Variants in KMT2A observed in about 807,000 individuals in gnomAD.
The protein encoded by KMT2A is lysine methyltransferase 2A, also known as histone-lysine N-methyltransferase 2A.
In KMT2A, 16 loss-of-function variants were observed where a neutral mutation model predicts 345.3. The ratio of observed to expected loss-of-function variants is 0.05; its 90% CI spans 0.03 to 0.07. The LOEUF is 0.07. Ranked by LOEUF, KMT2A falls within the 10% of genes least tolerant of loss-of-function variation. The pLI is 1.00. For missense variants in KMT2A, 3,272 were observed against 4,841.6 expected (o/e 0.68, Z 9.62); for synonymous variants, 1,599 against 1,778.6 (o/e 0.90, Z 2.54).
chr11:118,444,230 G>A (rs498362), intron 1 of KMT2A, among the ~76,000 whole-genome samples: 1 of 152,060 alleles, frequency 6.6e-6, no homozygotes, highest in Non-Finnish European at 1.5e-5. Context: ...ATTTACACAT[G>A]CCCATATTCA....
At position 118,491,234 on chromosome 11, in the gene KMT2A, G is replaced by C; in HGVS notation, c.4735G>C (p.Asp1579His). 1 of 1,613,938 alleles carries C rather than the reference G, an allele frequency of 6.2e-7. No individual in the cohort carries two copies. Among genetic ancestry groups the C allele is most frequent in the Non-Finnish European group, 8.5e-7 (1 of 1,179,924 alleles). ...CPLCDKCYDD[D>H]DYESKMMQCG... is the part of the protein sequence containing the mutation. ...TCTCTGTGACAAATGTTATGATGAT[G>C]ATGACTATGAGAGTAAGATGATGCA... is the stretch of plus-strand genomic sequence containing the variant. The change falls in exon 14 of 36, where the codon GAT (aspartate) becomes CAT (histidine). Residue 1579 changes from aspartate (D) to histidine (H), a missense_variant. Asp to His is a moderately conservative substitution (Grantham distance 81). Transcript: ENST00000534358. The surrounding 1 kb of genome is among the most constrained non-coding windows in gnomAD (Gnocchi z 4.2).
In KMT2A at chr11:118,519,587, C is replaced by G. The variant is rs781926658; in HGVS notation, c.11147-31C>G. On this transcript the variant is annotated intron_variant, in intron 31 of 35. Coordinates refer to ENST00000534358, the MANE Select transcript of KMT2A (RefSeq NM_001197104.2). ...ATGCTGTTTCCTGTTGACTGCGCTCCTCACTTCCCTGGTGCTTCTGATTCT... is the reference window on the plus strand; with the variant it reads ...ATGCTGTTTCCTGTTGACTGCGCTCGTCACTTCCCTGGTGCTTCTGATTCT... The G allele has an allele frequency of 2.5e-6, 4 of 1,598,690 alleles. No individual in the cohort carries two copies. In the Admixed American group the frequency reaches 5.0e-5, roughly 20 times the overall value.
intron 1 of KMT2A, among the ~76,000 whole-genome samples, chr11:118,445,618 A>C (rs1250183533): frequency 6.6e-6 from 1 of 152,226 alleles, no homozygotes; most frequent in African/African-American, 2.4e-5. Context: ...TGTAGGTTGC[A>C]ATTTCTGGGG....
rs1950946223 is a variant in KMT2A at position 118,520,734 on chromosome 11, C to A, written c.11430-68C>A. The A allele has an allele frequency of 1.7e-6, 2 of 1,148,572 alleles. No homozygotes were observed. Among genetic ancestry groups the A allele is most frequent in the Non-Finnish European group, 2.6e-6 (2 of 758,008 alleles). 71.1% of individuals were successfully genotyped at this position (1,148,572 alleles called of 1,614,324 possible). On this transcript the variant is annotated intron_variant, in intron 33 of 35. Transcript: ENST00000534358. The surrounding 1 kb of genome is among the most constrained non-coding windows in gnomAD (Gnocchi z 4.3). ...AGAGTGTACTAATTGTCTCTAGGAA[C>A]CTTCGATTCAAGACTCAAAACATTA...
Position 118,481,956 on chromosome 11 carries a change from G to A in KMT2A, c.3876G>A (p.Arg1292=), listed in dbSNP as rs1950140799. ...ESKQATTPAS[R]KSSKQVSQPA... Reference sequence around the variant, plus strand: ...AACAGGCCACCACTCCAGCTTCCAGGAAGTCAAGCAAGCAGGTCTCCCAGC... The same window carrying A: ...AACAGGCCACCACTCCAGCTTCCAGAAAGTCAAGCAAGCAGGTCTCCCAGC... The change falls in exon 7 of 36, where the codon AGG becomes AGA. Residue 1292 remains arginine, a synonymous_variant. Coordinates refer to ENST00000534358, the MANE Select transcript of KMT2A (RefSeq NM_001197104.2). 7.4e-6 allele frequency: 12 copies of A among 1,614,182 alleles called. No homozygotes were observed. Among genetic ancestry groups the A allele is most frequent in the Non-Finnish European group, 1.0e-5 (12 of 1,180,038 alleles).
chr11:118,472,169 C>A lies in KMT2A; in HGVS notation c.1010C>A (p.Thr337Lys), dbSNP rs1346632237. 1 of 1,614,016 alleles carries A rather than the reference C, an allele frequency of 6.2e-7. No individual in the cohort carries two copies. Among genetic ancestry groups the A allele is most frequent in the Non-Finnish European group, 8.5e-7 (1 of 1,180,016 alleles). The change falls in exon 3 of 36, where the codon ACA becomes AAA. Residue 337 changes from threonine (T) to lysine (K), a missense_variant. Coordinates refer to ENST00000534358, the MANE Select transcript of KMT2A (RefSeq NM_001197104.2). ...PQKVRKDKEG[T>K]PPLTKEDKTV... The stretch of plus-strand genomic sequence containing the variant: ...AAAGTCCGGAAAGACAAGGAAGGAA[C>A]ACCTCCACTTACAAAAGAAGATAAG...
chr11:118,516,020 C>G (rs1591301388), intron 31 of KMT2A, among the ~76,000 whole-genome samples: 3 of 152,056 alleles, frequency 2.0e-5, no homozygotes, highest in Non-Finnish European at 4.4e-5. Flanking sequence ...GACTGGGATT[C>G]CCAGGATTGT....
intron 1 of KMT2A, among the ~76,000 whole-genome samples, chr11:118,463,076 G>T (rs782467433): frequency 6.6e-6 from 1 of 151,862 alleles, no homozygotes; most frequent in Non-Finnish European, 1.5e-5. Context: ...TGACTCATTA[G>T]GTTGTTAATA....
rs1217245753 is a variant in KMT2A, at chr11:118,525,173, A to G, written c.*3001A>G. The G allele has an allele frequency of 8.7e-6, 2 of 230,654 alleles. No homozygotes were observed. The highest frequency in any genetic ancestry group is 2.2e-5 in the African/African-American group (1 of 45,190). 14.3% of individuals were successfully genotyped at this position (230,654 alleles called of 1,614,324 possible). On this transcript the variant is annotated 3_prime_UTR_variant, in exon 36 of 36. Transcript: ENST00000534358. ...AAGTGACCAAGGGAATCTCCGCACA[A>G]AAGTGCAGATTGAGGAATTGTGATG...
In KMT2A at chr11:118,490,134, T is replaced by C. The variant is rs1555042084; in HGVS notation, c.4581T>C (p.Cys1527=). The change falls in exon 13 of 36, where the codon TGT becomes TGC. Residue 1527 remains cysteine (C), a synonymous_variant. Coordinates refer to ENST00000534358, the MANE Select transcript of KMT2A (RefSeq NM_001197104.2). The surrounding 1 kb of genome is among the most constrained non-coding windows in gnomAD (Gnocchi z 4.2). ...KPTKKKKVWI[C]TKCVRCKSCG... ...TTTCTTTTCTTCTTTTCTAGATCTG[T>C]ACCAAGTGTGTTCGCTGTAAGAGCT... 2.5e-6 allele frequency: 4 copies of C among 1,610,982 alleles called. No homozygotes were observed. The highest frequency in any genetic ancestry group is 3.4e-6 in the Non-Finnish European group (4 of 1,179,232).
At chr11:118,453,948 A>G (rs1555029821) in intron 1 of KMT2A, among the ~76,000 whole-genome samples, 1 of 152,184 alleles carries the variant, frequency 6.6e-6, no homozygotes, top group East Asian at 1.9e-4. Flanking sequence ...CCAGTTGCTC[A>G]GGCCTAACAT....
At chr11:118,487,089 C>T (rs1349673234) in intron 10 of KMT2A, among the ~76,000 whole-genome samples, 1 of 152,122 alleles carries the variant, frequency 6.6e-6, no homozygotes, top group Non-Finnish European at 1.5e-5. Flanking sequence ...TTACGAACAA[C>T]TTATTGTTCT....
chr11:118,523,026 A>G lies in KMT2A; in HGVS notation c.*854A>G, dbSNP rs182470418. 8.6e-4 allele frequency: 190 copies of G among 220,216 alleles called. No homozygotes were observed. The highest frequency in any genetic ancestry group is 3.7e-3 in the African/African-American group (164 of 44,678). 13.6% of individuals were successfully genotyped at this position (220,216 alleles called of 1,614,324 possible). ...CCTGCAAAAAGTTCCCTGAGCCTGT[A>G]AGCACTCCAGGTGGGGAAGTGGACA... On this transcript the variant is annotated 3_prime_UTR_variant, in exon 36 of 36. Coordinates refer to ENST00000534358, the MANE Select transcript of KMT2A (RefSeq NM_001197104.2).
In KMT2A at chr11:118,484,789, CTTTTCATCCTTAT is replaced by C. The variant is rs1439671318; in HGVS notation, c.4219-69_4219-57del. Reference sequence around the variant, plus strand: ...ATTGTGATGTCACACTAATTTTATGCTTTTCATCCTTATTTTCCATCCAAAGTTGTGTAATTGT... The same window carrying C: ...ATTGTGATGTCACACTAATTTTATGCTTTCCATCCAAAGTTGTGTAATTGT... On this transcript the variant is annotated intron_variant, in intron 9 of 35. Coordinates refer to ENST00000534358, the MANE Select transcript of KMT2A (RefSeq NM_001197104.2). The surrounding 1 kb of genome is among the most constrained non-coding windows in gnomAD (Gnocchi z 4.1). 8.2e-6 allele frequency: 8 copies of C among 978,900 alleles called. No individual in the cohort carries two copies. In the African/African-American group the frequency reaches 1.3e-4, roughly 16 times the overall value. The allele number at this position is 978,900 out of a possible 1,614,324, so 60.6% of individuals were successfully genotyped here. A position where few individuals can be genotyped will look rare whatever the true frequency, so the allele number is the denominator to read the frequency against.
In KMT2A at chr11:118,505,309, T is replaced by G; in HGVS notation, c.9417T>G (p.Asn3139Lys). The change falls in exon 27 of 36, where the codon AAT becomes AAG. Residue 3139 changes from asparagine (N) to lysine (K), a missense_variant. Coordinates refer to ENST00000534358, the MANE Select transcript of KMT2A (RefSeq NM_001197104.2). This position sits in a 1 kb window ranked among gnomAD's most constrained non-coding sequence, Gnocchi z 4.6. ...GTCTCACCCTTACCACAGGACTAAA[T>G]CCAAGCTTGCCAACTTCTCAATCTT... ...GGGLTLTTGL[N>K]PSLPTSQSLF... is the part of the protein sequence containing the mutation. 6.2e-7 allele frequency: 1 copy of G among 1,614,212 alleles called. No individual in the cohort carries two copies. The highest frequency in any genetic ancestry group is 8.5e-7 in the Non-Finnish European group (1 of 1,180,042).
At chr11:118,492,683 C>CA (rs1323196352) in intron 15 of KMT2A, among the ~76,000 whole-genome samples, 11 of 151,718 alleles carry the variant, frequency 7.3e-5, no homozygotes, top group South Asian at 2.1e-4. Context: ...CATCTCAAAA[C>CA]AAAAAAAAGA....
chr11:118,498,334 AG>A lies in KMT2A; in HGVS notation c.5803-35del. The A allele has an allele frequency of 6.3e-7, 1 of 1,579,194 alleles. No individual in the cohort carries two copies. The highest frequency in any genetic ancestry group is 1.9e-5 in the Admixed American group (1 of 53,112). ...CGGTAAACGTCTTAAAACATATGAA[AG>A]TCTGAATAGGACTCTGTTCTTTTTG... On this transcript the variant is annotated intron_variant, in intron 21 of 35. Transcript: ENST00000534358. The surrounding 1 kb of genome is among the most constrained non-coding windows in gnomAD (Gnocchi z 4.4).
intron 1 of KMT2A, among the ~76,000 whole-genome samples, chr11:118,442,304 C>G (rs868928676): frequency 2.6e-5 from 4 of 152,142 alleles, no homozygotes; most frequent in South Asian, 2.1e-4. Context: ...ATGGGACCTT[C>G]CTTTGTTTGC....
Position 118,498,550 on chromosome 11 carries a change from TAA to T in KMT2A, c.5961+36_5961+37del, listed in dbSNP as rs57102960. 8.5e-3 allele frequency: 11,955 copies of T among 1,398,672 alleles called. No homozygotes were observed. Among genetic ancestry groups the T allele is most frequent in the South Asian group, 0.02 (1,479 of 73,166 alleles). The allele number at this position is 1,398,672 out of a possible 1,614,324, so 86.6% of individuals were successfully genotyped here. A position where few individuals can be genotyped will look rare whatever the true frequency, so the allele number is the denominator to read the frequency against. On this transcript the variant is annotated intron_variant, in intron 22 of 35. Coordinates refer to ENST00000534358, the MANE Select transcript of KMT2A (RefSeq NM_001197104.2). This position sits in a 1 kb window ranked among gnomAD's most constrained non-coding sequence, Gnocchi z 4.4. ...CGAAGTGAGAGAGCTTTAGTTGCTTTAAAAAAAAAAAAAAAGACTTTTTTAGA... is the reference window on the plus strand; with the variant it reads ...CGAAGTGAGAGAGCTTTAGTTGCTTTAAAAAAAAAAAAAGACTTTTTTAGA...
Sources: allele counts gnomAD v4.1 joint callset (sites outside exome capture counted in the v4.1 genomes callset), GRCh38; gene constraint gnomAD v4.1.1; non-coding constraint Gnocchi (gnomAD v3.1); transcripts MANE v1.5; gene names NCBI Gene and HGNC (gene_info 2026-07-23, HGNC 2026-07-21).